Variants in SLC44A2 observed in about 807,000 individuals in gnomAD.
SLC44A2 encodes the protein choline transporter-like protein 2.
A neutral mutation model predicts 90.8 loss-of-function variants in SLC44A2; 57 were observed. The observed-to-expected ratio is 0.63, with a 90% CI of 0.51 to 0.78. The LOEUF (loss-of-function observed/expected upper bound fraction) is 0.78. SLC44A2 is among the 30% of genes least tolerant of loss of function. The probability of loss-of-function intolerance (pLI) is 0.00; values close to 1 mark genes in which losing one functional copy is unlikely to be tolerated. For missense variants in SLC44A2, 794 were observed against 919.7 expected, an observed-to-expected ratio of 0.86 and a Z score of 1.77; for synonymous variants, 355 against 360.7, an observed-to-expected ratio of 0.98 and a Z score of 0.18.
chr19:10,631,413 A>G, intron 6 of SLC44A2, 28 bp downstream of exon 6: 2 of 1,613,932 alleles, frequency 1.2e-6, no homozygotes, highest in South Asian at 2.2e-5. Context: ...CTGAGAGCAC[A>G]GGTATGGGCA....
At chr19:10,613,239 A>G (rs1222932495) in intron 1 of SLC44A2, among the ~76,000 whole-genome samples, 1 of 145,634 alleles carries the variant, frequency 6.9e-6, no homozygotes, top group East Asian at 2.0e-4. Flanking sequence ...GTTATTTTTT[A>G]CTTTTTATTT....
chr19:10,630,659 T>TAA (rs56803247), intron 4 of SLC44A2, among the ~76,000 whole-genome samples: 136 of 130,070 alleles, frequency 1.0e-3, no homozygotes, highest in Middle Eastern at 4.1e-3. Flanking sequence ...GGACTCCATC[T>TAA]AAAAAAAAAA....
chr19:10,643,593 C>A lies in SLC44A2; in HGVS notation c.*208C>A. The A allele has an allele frequency of 1.9e-6, 1 of 516,666 alleles. No individual in the cohort carries two copies. The highest frequency in any genetic ancestry group is 3.3e-6 in the Non-Finnish European group (1 of 301,926). The allele number at this position is 516,666 out of a possible 1,614,324, so 32.0% of individuals were successfully genotyped here. On this transcript the variant is annotated 3_prime_UTR_variant, in exon 22 of 22. Transcript: ENST00000335757. ...GGGGCGCTTGGAGTTTTCATGGCTG[C>A]CCCTCCAGACTGCGAGAAACAAGTA...
chr19:10,609,006 G>A (rs1918202854), intron 1 of SLC44A2, among the ~76,000 whole-genome samples: 1 of 140,890 alleles, frequency 7.1e-6, no homozygotes, highest in African/African-American at 2.6e-5. Flanking sequence ...TGCCCAGGCT[G>A]GAGAGCAGTG....
intron 1 of SLC44A2, 119 bp downstream of exon 1, chr19:10,625,789 G>T (rs1220329954): frequency 1.1e-6 from 1 of 882,358 alleles, no homozygotes; most frequent in Non-Finnish European, 1.5e-6. Flanking sequence ...GCAAATCTGC[G>T]CCTGGAGCCT....
chr19:10,615,410 C>G (rs2066847311), intron 1 of SLC44A2, among the ~76,000 whole-genome samples: 1 of 151,804 alleles, frequency 6.6e-6, no homozygotes, highest in African/African-American at 2.4e-5. Context: ...CCCATTTCTA[C>G]TAAAAATACA....
upstream of SLC44A2, among the ~76,000 whole-genome samples, chr19:10,621,517 C>T (rs1381570365): frequency 6.9e-6 from 1 of 144,168 alleles, no homozygotes; most frequent in Non-Finnish European, 1.5e-5. Context: ...GATCTTGGCT[C>T]ATTGCAGCCT....
In SLC44A2 at chr19:10,643,456, A is replaced by T; in HGVS notation, c.*71A>T. 2.0e-6 allele frequency: 3 copies of T among 1,534,768 alleles called. No homozygotes were observed. The highest frequency in any genetic ancestry group is 2.6e-6 in the Non-Finnish European group (3 of 1,136,122). ...GCTCAGTAGCTGGGTCTGTTCCCCC[A>T]GCCCCTTGGGCTCACCTGAAGTCCT... is the stretch of plus-strand genomic sequence containing the variant. On this transcript the variant is annotated 3_prime_UTR_variant, in exon 22 of 22. Transcript: ENST00000335757.
At chr19:10,613,015 T>C (rs1270151856) in intron 1 of SLC44A2, among the ~76,000 whole-genome samples, 2 of 152,086 alleles carry the variant, frequency 1.3e-5, no homozygotes, top group Admixed American at 6.6e-5. Flanking sequence ...ATCACACTAA[T>C]GGTTAGTGGG....
At position 10,631,969 on chromosome 19, in the gene SLC44A2, G is replaced by A. The variant is rs1044966328; in HGVS notation, c.710+18G>A. On this transcript the variant is annotated intron_variant, in intron 9 of 21. Coordinates refer to ENST00000335757, the MANE Select transcript of SLC44A2 (RefSeq NM_020428.4). Reference sequence around the variant, plus strand: ...ATTATCATGTAAGTCAGGAGGGAAGGGGCCTCTCCCCTGGCTGCCCCCTCT... The same window carrying A: ...ATTATCATGTAAGTCAGGAGGGAAGAGGCCTCTCCCCTGGCTGCCCCCTCT... 2.0e-5 allele frequency: 32 copies of A among 1,613,648 alleles called. No homozygotes were observed. Among genetic ancestry groups the A allele is most frequent in the Non-Finnish European group, 2.5e-5 (30 of 1,179,542 alleles).
At chr19:10,614,989 G>A (rs1474212755) in intron 1 of SLC44A2, among the ~76,000 whole-genome samples, 3 of 133,430 alleles carry the variant, frequency 2.2e-5, no homozygotes, top group Non-Finnish European at 3.3e-5. Context: ...AAAAAAAAAA[G>A]AAGAAGAAAA....
At chr19:10,631,201 T>G in intron 5 of SLC44A2, 60 bp downstream of exon 5, 1 of 1,604,940 alleles carries the variant, frequency 6.2e-7, no homozygotes, top group Non-Finnish European at 8.5e-7. Flanking sequence ...TTTCCCCCTG[T>G]GAATGTGGGC....
rs997524800 is a variant in SLC44A2 at position 10,636,554 on chromosome 19, C to T, written c.1465C>T (p.Pro489Ser). 2.5e-6 allele frequency: 4 copies of T among 1,607,486 alleles called. No homozygotes were observed. The highest frequency in any genetic ancestry group is 2.7e-5 in the African/African-American group (2 of 75,020). ...LRKPDDLPAF[P>S]LFSAFGRALR... is the part of the protein sequence containing the mutation. ...CAAGCCGGACGACCTGCCGGCCTTCCCGCTCTTCTCTGCCTTTGGCCGGGC... is the reference window on the plus strand; with the variant it reads ...CAAGCCGGACGACCTGCCGGCCTTCTCGCTCTTCTCTGCCTTTGGCCGGGC... Residue 489 changes from proline to serine, a missense_variant, in exon 15 of 22, where the codon CCG (proline) becomes TCG (serine). Coordinates refer to ENST00000335757, the MANE Select transcript of SLC44A2 (RefSeq NM_020428.4).
intron 2 of SLC44A2, 102 bp downstream of exon 2, chr19:10,626,403 T>A: frequency 1.1e-6 from 1 of 935,072 alleles, no homozygotes; most frequent in Non-Finnish European, 1.7e-6. Context: ...TGGTGACAAA[T>A]ATTTGAAACT....
chr19:10,632,517 C>G (rs1034980269), intron 10 of SLC44A2, among the ~76,000 whole-genome samples: 1 of 132,428 alleles, frequency 7.6e-6, no homozygotes, highest in Non-Finnish European at 1.6e-5. Context: ...GCCTGGGCAA[C>G]AAGAGCGAAA....
At chr19:10,633,875 C>T (rs928190375) in intron 10 of SLC44A2, among the ~76,000 whole-genome samples, 3 of 151,902 alleles carry the variant, frequency 2.0e-5, no homozygotes, top group South Asian at 2.1e-4. Context: ...CGGTGGCGCA[C>T]GCCTGTAATC....
Position 10,631,644 on chromosome 19 carries a change from C to T in SLC44A2, c.521C>T (p.Pro174Leu). 8.1e-6 allele frequency: 13 copies of T among 1,613,780 alleles called. No individual in the cohort carries two copies. The highest frequency in any genetic ancestry group is 1.1e-5 in the Non-Finnish European group (13 of 1,180,004). ...PSKPLARRCF[P>L]AIHAYKGVLM... ...CATGCAGTGGCCCGGAGATGCTTCC[C>T]CGCTATCCACGCCTACAAGGGTGTC... The change falls in exon 8 of 22, where the codon CCC (proline) becomes CTC (leucine). Residue 174 changes from proline (P) to leucine (L), a missense_variant. Physicochemically the swap from Pro to Leu is moderately conservative, Grantham distance 98. Around this residue, in one of 3 missense-constraint regions of SLC44A2, gnomAD observed 738 missense variants for 841.1 expected, o/e 0.88. Transcript: ENST00000335757.
At chr19:10,618,362 G>A (rs2066871926) in intron 1 of SLC44A2, among the ~76,000 whole-genome samples, 1 of 151,226 alleles carries the variant, frequency 6.6e-6, no homozygotes, top group Admixed American at 6.6e-5. Flanking sequence ...TTTTAGTAGA[G>A]ATGGGGTTTC....
chr19:10,631,679 G>A lies in SLC44A2; in HGVS notation c.556G>A (p.Gly186Ser). The stretch of plus-strand genomic sequence containing the variant: ...CGCCTACAAGGGTGTCCTGATGGTG[G>A]GCAATGAGACGACCTATGAGGATGG... ...IHAYKGVLMVGNETTYEDGHG... is the reference protein window; with the variant it reads ...IHAYKGVLMVSNETTYEDGHG... Residue 186 changes from glycine (G) to serine (S), a missense_variant, in exon 8 of 22, where the codon GGC (glycine) becomes AGC (serine). This residue lies in a region of SLC44A2 where 738 missense variants were observed against 841.1 expected (regional missense o/e 0.88). Transcript: ENST00000335757. 6.2e-7 allele frequency: 1 copy of A among 1,613,366 alleles called. No homozygotes were observed. Among genetic ancestry groups the A allele is most frequent in the South Asian group, 1.1e-5 (1 of 91,090 alleles).
Sources: allele counts gnomAD v4.1 joint callset (sites outside exome capture counted in the v4.1 genomes callset), GRCh38; gene constraint gnomAD v4.1.1; regional missense constraint gnomAD v4.1.1; transcripts MANE v1.5; gene names NCBI Gene and HGNC (gene_info 2026-07-23, HGNC 2026-07-21).